The following PCNT variants were observed in gnomAD, a reference collection of about 807,000 sequenced individuals.
PCNT encodes pericentrin.
PCNT carries 319 observed loss-of-function variants against 380.4 expected under a neutral mutation model. The ratio of observed to expected loss-of-function variants is 0.84; its 90% CI spans 0.77 to 0.92. The LOEUF (loss-of-function observed/expected upper bound fraction) is 0.92. Among genes scored for constraint, PCNT ranks in the 40% least tolerant of loss-of-function variants. PCNT has a pLI of 0.00. For missense variants in PCNT, 4,400 were observed against 4,255.3 expected (o/e 1.03, Z -0.95); for synonymous variants, 1,845 against 1,735.2 (o/e 1.06, Z -1.57).
At position 46,411,621 on chromosome 21, in the gene PCNT, G is replaced by A. The variant is rs375046076; in HGVS notation, c.5548G>A (p.Glu1850Lys). 45 of 1,612,948 alleles carry A rather than the reference G, an allele frequency of 2.8e-5. No homozygotes were observed. Among genetic ancestry groups the A allele is most frequent in the Admixed American group, 6.7e-5 (4 of 60,012 alleles). ...TGTAGCCCTCAGGGAGGCTGAGGTC[G>A]AAGACATGGCCTCCCGGATCCAGGA... is the stretch of plus-strand genomic sequence containing the variant. Reference protein sequence around the residue: ...RNVALREAEVEDMASRIQEFE... With the variant: ...RNVALREAEVKDMASRIQEFE... Residue 1850 changes from glutamate (E) to lysine (K), a missense_variant, in exon 28 of 47, where the codon GAA becomes AAA. Transcript: ENST00000359568.
intron 15 of PCNT, 35 bp from the exon 16 acceptor site, chr21:46,381,659 T>G: frequency 6.3e-7 from 1 of 1,594,258 alleles, no homozygotes; most frequent in Non-Finnish European, 8.6e-7. Flanking sequence ...TTTTTCTAGC[T>G]TACTGGTATT....
intron 32 of PCNT, among the ~76,000 whole-genome samples, chr21:46,423,178 A>G (rs564515748): frequency 1.7e-4 from 25 of 150,554 alleles, no homozygotes; most frequent in African/African-American, 5.1e-4. Context: ...TTTTTTAATC[A>G]GTTTTTTATA....
At chr21:46,332,223 A>C (rs1418103964) in intron 2 of PCNT, among the ~76,000 whole-genome samples, 1 of 152,192 alleles carries the variant, frequency 6.6e-6, no homozygotes, top group Non-Finnish European at 1.5e-5. Context: ...AAAATACAAA[A>C]ACTTTGGCTG....
chr21:46,418,413 G>T (rs1054626070), intron 31 of PCNT, 107 bp downstream of exon 31: 5 of 752,394 alleles, frequency 6.6e-6, no homozygotes, highest in Non-Finnish European at 1.2e-5. Flanking sequence ...TCTGCCCCCC[G>T]CTGACCTCCA....
Position 46,345,589 on chromosome 21 carries a change from G to A in PCNT, c.640-539G>A, listed in dbSNP as rs146259632. On this transcript the variant is annotated intron_variant, in intron 3 of 46. Coordinates refer to ENST00000359568, the MANE Select transcript of PCNT (RefSeq NM_006031.6). ...TTTTTCCTTCTTCTTTTTTTAATGA[G>A]ATACAATTAACAAGCATACGATTCA... 4.6e-5 allele frequency among the ~76,000 whole-genome samples: 7 copies of A among 152,154 alleles called. 1 individual carries two copies. The highest frequency in any genetic ancestry group is 4.2e-4 in the South Asian group (2 of 4,814).
intron 27 of PCNT, among the ~76,000 whole-genome samples, chr21:46,406,907 C>T (rs2058821185): frequency 6.6e-6 from 1 of 152,182 alleles, no homozygotes; most frequent in Admixed American, 6.5e-5. Context: ...TAAACCATAC[C>T]TGGTAGTGAT....
chr21:46,436,919 T>C, intron 39 of PCNT, 60 bp from the exon 40 acceptor site: 1 of 1,210,790 alleles, frequency 8.3e-7, no homozygotes. Flanking sequence ...TCTTGTTTAG[T>C]TTTGCATAAT....
intron 38 of PCNT, among the ~76,000 whole-genome samples, chr21:46,432,511 C>T (rs1357754530): frequency 2.0e-5 from 3 of 152,218 alleles, no homozygotes; most frequent in Admixed American, 2.0e-4. Context: ...TCTGCAGAAC[C>T]TGCCACTGGG....
At position 46,351,597 on chromosome 21, in the gene PCNT, A is replaced by G. The variant is rs868164322; in HGVS notation, c.1456+57A>G. On this transcript the variant is annotated intron_variant, in intron 9 of 46. Transcript: ENST00000359568. The stretch of plus-strand genomic sequence containing the variant: ...CAAAAGCTGAAGCTGTGTGTTTTTC[A>G]TTGTTGTAACACCAAGCCAGAATTT... The G allele has an allele frequency of 1.2e-4, 126 of 1,057,282 alleles. 3 individuals are homozygous for G. In the Middle Eastern group the frequency reaches 1.6e-3, roughly 13 times the overall value. The allele number at this position is 1,057,282 out of a possible 1,614,324, so 65.5% of individuals were successfully genotyped here.
rs1237398948 is a variant in PCNT, at chr21:46,399,736, A to G, written c.4731A>G (p.Lys1577=). ...LEEMNINIRK[K]VAQLQEEVEK... Reference sequence around the variant, plus strand: ...AGATGAACATCAACATCAGGAAAAAAGTGGCCCAGCTCCAGGAAGAAGTGG... The same window carrying G: ...AGATGAACATCAACATCAGGAAAAAGGTGGCCCAGCTCCAGGAAGAAGTGG... Residue 1577 remains lysine, a synonymous_variant, in exon 25 of 47, where the codon AAA becomes AAG. Coordinates refer to ENST00000359568, the MANE Select transcript of PCNT (RefSeq NM_006031.6). 1 of 1,614,142 alleles carries G rather than the reference A, an allele frequency of 6.2e-7. No homozygotes were observed. Among genetic ancestry groups the G allele is most frequent in the East Asian group, 2.2e-5 (1 of 44,892 alleles).
intron 1 of PCNT, 109 bp from the exon 2 acceptor site, chr21:46,326,268 T>G (rs1191772777): frequency 1.1e-6 from 1 of 945,318 alleles, no homozygotes; most frequent in African/African-American, 1.6e-5. Context: ...CAGAGTAGAC[T>G]GGGTCAGCCC....
In PCNT at chr21:46,416,570, A is replaced by G; in HGVS notation, c.6652A>G (p.Met2218Val). 3 of 1,611,114 alleles carry G rather than the reference A, an allele frequency of 1.9e-6. No individual in the cohort carries two copies. The highest frequency in any genetic ancestry group is 1.1e-5 in the South Asian group (1 of 90,952). Residue 2218 changes from methionine (M) to valine (V), a missense_variant, in exon 30 of 47, where the codon ATG (methionine) becomes GTG (valine). Transcript: ENST00000359568. ...TGGGCCCCGGAAGAGCCCGGTCGGG[A>G]TGCTGGACCTGTCTTCCTGGAGCTC... ...EAGPRKSPVG[M>V]LDLSSWSSPE...
chr21:46,408,036 GT>G (rs1001507418), intron 27 of PCNT, among the ~76,000 whole-genome samples: 2 of 151,944 alleles, frequency 1.3e-5, no homozygotes, highest in African/African-American at 4.8e-5. Flanking sequence ...AGTAAAATTA[GT>G]TTTTTTTAGT....
chr21:46,324,595 C>G (rs1482035188), intron 1 of PCNT, among the ~76,000 whole-genome samples: 1 of 150,180 alleles, frequency 6.7e-6, no homozygotes, highest in Admixed American at 6.6e-5. Context: ...GGGCGCGGTG[C>G]ACGCCGGGGC....
rs142292868 is a variant in PCNT at position 46,416,776 on chromosome 21, G to T, written c.6858G>T (p.Ala2286=). 5.6e-6 allele frequency: 9 copies of T among 1,603,066 alleles called. No homozygotes were observed. The South Asian group carries it at 7.7e-5, about 14-fold the overall frequency. The change falls in exon 30 of 47, where the codon GCG becomes GCT. Residue 2286 remains alanine (A), a synonymous_variant. Transcript: ENST00000359568. ...LLCSPGVSAA[A]LALQWAESPP... Reference sequence around the variant, plus strand: ...GTTCCCCAGGCGTGTCTGCAGCAGCGCTGGCACTGCAGTGGGCCGAGTCTC... The same window carrying T: ...GTTCCCCAGGCGTGTCTGCAGCAGCTCTGGCACTGCAGTGGGCCGAGTCTC...
At chr21:46,430,339 G>T in intron 36 of PCNT, 107 bp downstream of exon 36, 1 of 1,383,806 alleles carries the variant, frequency 7.2e-7, no homozygotes, top group Non-Finnish European at 1.0e-6. Context: ...CAGTTGGGCA[G>T]CCCCAGGGGC....
At chr21:46,443,783 C>T in intron 44 of PCNT, 27 bp from the exon 45 acceptor site, 1 of 1,612,818 alleles carries the variant, frequency 6.2e-7, no homozygotes, top group South Asian at 1.1e-5. Context: ...TTCCTAATCC[C>T]TTGGTTGTTA....
intron 6 of PCNT, among the ~76,000 whole-genome samples, chr21:46,347,843 G>C (rs548093942): frequency 2.6e-5 from 4 of 152,360 alleles, no homozygotes; most frequent in African/African-American, 9.6e-5. Context: ...GTTCCCTGCA[G>C]TGCATGGGGT....
At position 46,349,087 on chromosome 21, in the gene PCNT, C is replaced by T; in HGVS notation, c.1108C>T (p.Gln370Ter). Residue 370 changes from glutamine (Q) to a stop codon, truncating the protein, a stop_gained, in exon 7 of 47, where the codon CAA (glutamine) becomes TAA (stop). Coordinates refer to ENST00000359568, the MANE Select transcript of PCNT (RefSeq NM_006031.6). LOFTEE classifies it high-confidence loss of function. ...ACGCAAAGAACTGTCTGCAAAGCATCAATCAGAAATGGAGGATTTACAAAA... is the reference window on the plus strand; with the variant it reads ...ACGCAAAGAACTGTCTGCAAAGCATTAATCAGAAATGGAGGATTTACAAAA... ...NLRKELSAKH[Q>*]SEMEDLQNQF... 6.2e-7 allele frequency: 1 copy of T among 1,607,720 alleles called. No homozygotes were observed.
Sources: allele counts gnomAD v4.1 joint callset (sites outside exome capture counted in the v4.1 genomes callset), GRCh38; gene constraint gnomAD v4.1.1; transcripts MANE v1.5; gene names NCBI Gene and HGNC (gene_info 2026-07-23, HGNC 2026-07-21).